The following IKZF5 variants were observed in gnomAD, a reference collection of about 807,000 sequenced individuals.
IKZF5 encodes the protein zinc finger protein Pegasus.
A neutral mutation model predicts 30.7 loss-of-function variants in IKZF5; 4 were observed. The observed-to-expected ratio is 0.13, with a 90% CI of 0.06 to 0.30. The LOEUF (loss-of-function observed/expected upper bound fraction) is 0.30, where lower values mean the gene tolerates loss of function less well. Among genes scored for constraint, IKZF5 ranks in the 10% least tolerant of loss-of-function variants. The pLI is 1.00. For missense variants in IKZF5, 348 were observed against 525.5 expected, an observed-to-expected ratio of 0.66 and a Z score of 3.30; for synonymous variants, 148 against 179.6, an observed-to-expected ratio of 0.82 and a Z score of 1.41.
At position 123,007,041 on chromosome 10, in the gene IKZF5, C is replaced by T. The variant is rs1849816781; in HGVS notation, c.-62G>A. The T allele has an allele frequency of 6.6e-6, 1 of 152,202 alleles. No individual in the cohort carries two copies. Among genetic ancestry groups the T allele is most frequent in the Non-Finnish European group, 1.5e-5 (1 of 68,030 alleles). The allele number at this position is 152,202 out of a possible 1,614,324, so 9.4% of individuals were successfully genotyped here. A position where few individuals can be genotyped will look rare whatever the true frequency, so the allele number is the denominator to read the frequency against. On this transcript the variant is annotated 5_prime_UTR_variant, in exon 2 of 5. Transcript: ENST00000368886. Reference sequence around the variant, plus strand: ...ACAATCTAACCTTTTCACCCCAAATCTGTTCCTCCTTTTTCTTGCCACTCC... The same window carrying T: ...ACAATCTAACCTTTTCACCCCAAATTTGTTCCTCCTTTTTCTTGCCACTCC...
chr10:123,006,308 A>G (rs1019919512), intron 2 of IKZF5, among the ~76,000 whole-genome samples: 2 of 152,188 alleles, frequency 1.3e-5, no homozygotes, highest in Non-Finnish European at 2.9e-5. Context: ...TTTTGTATGA[A>G]GTCGTCTGAT....
intron 2 of IKZF5, among the ~76,000 whole-genome samples, chr10:123,004,794 T>C (rs1266171300): frequency 3.3e-5 from 5 of 152,306 alleles, no homozygotes; most frequent in South Asian, 2.1e-4. Context: ...TAAGCATTTT[T>C]GTGCCCACTT....
intron 2 of IKZF5, among the ~76,000 whole-genome samples, chr10:122,999,812 C>T (rs1849517899): frequency 6.6e-6 from 1 of 152,182 alleles, no homozygotes; most frequent in Admixed American, 6.5e-5. Context: ...GGCCCAAATT[C>T]ACAAATAAAA....
At chr10:123,000,402 A>C (rs1371359687) in intron 2 of IKZF5, among the ~76,000 whole-genome samples, 1 of 152,220 alleles carries the variant, frequency 6.6e-6, no homozygotes, top group Non-Finnish European at 1.5e-5. Flanking sequence ...ATGCAACTGA[A>C]GTTTGCTCAA....
intron 2 of IKZF5, among the ~76,000 whole-genome samples, chr10:122,999,803 GC>G (rs1849517616): frequency 6.6e-6 from 1 of 152,154 alleles, no homozygotes; most frequent in Non-Finnish European, 1.5e-5. Flanking sequence ...TAGGTTTATG[GC>G]CCAAATTCAC....
At chr10:122,999,218 G>A (rs1039591992) in intron 2 of IKZF5, among the ~76,000 whole-genome samples, 2 of 152,146 alleles carry the variant, frequency 1.3e-5, no homozygotes, top group Non-Finnish European at 2.9e-5. Context: ...TTTCTTATCT[G>A]TGCTATTCCT....
Position 122,992,371 on chromosome 10 carries a change from C to T in IKZF5, c.*1409G>A, listed in dbSNP as rs1589713096. ...ATGCTTACTATTCTCTTTAAGATGC[C>T]AATTAGGGGCACATTCAACATATGA... is the stretch of plus-strand genomic sequence containing the variant. On this transcript the variant is annotated 3_prime_UTR_variant, in exon 5 of 5. Coordinates refer to ENST00000368886, the MANE Select transcript of IKZF5 (RefSeq NM_001372123.1). 1 of 151,882 alleles carries T rather than the reference C, an allele frequency of 6.6e-6. No homozygotes were observed. The highest frequency in any genetic ancestry group is 2.4e-5 in the African/African-American group (1 of 41,334). 9.4% of individuals were successfully genotyped at this position (151,882 alleles called of 1,614,324 possible).
In IKZF5 at chr10:123,008,721, C is replaced by T. The variant is rs1376387218; in HGVS notation, c.-225G>A. 1 of 555,350 alleles carries T rather than the reference C, an allele frequency of 1.8e-6. No individual in the cohort carries two copies. The highest frequency in any genetic ancestry group is 1.9e-5 in the African/African-American group (1 of 53,024). 34.4% of individuals were successfully genotyped at this position (555,350 alleles called of 1,614,324 possible). The stretch of plus-strand genomic sequence containing the variant: ...CCTGACAACTGCATGGAGTAAACCA[C>T]ACCGCCTTGTTAAATGCCGTCGCCG... On this transcript the variant is annotated 5_prime_UTR_variant, in exon 1 of 5. The change creates a new upstream start codon in the 5' untranslated region. Transcript: ENST00000368886.
At chr10:123,006,831 G>T (rs1266495764) in intron 2 of IKZF5, among the ~76,000 whole-genome samples, 195 bp downstream of exon 2, 1 of 152,126 alleles carries the variant, frequency 6.6e-6, no homozygotes, top group Non-Finnish European at 1.5e-5. Context: ...TGACAAATAA[G>T]GATTGGTTTC....
intron 2 of IKZF5, among the ~76,000 whole-genome samples, chr10:123,000,086 A>C (rs966577738): frequency 6.6e-6 from 1 of 152,240 alleles, no homozygotes; most frequent in African/African-American, 2.4e-5. Context: ...AGTCTTGTAC[A>C]TATATAGAAA....
intron 3 of IKZF5, chr10:122,998,220 G>C: frequency 3.6e-6 from 1 of 275,764 alleles, no homozygotes; most frequent in East Asian, 6.4e-5. Flanking sequence ...TGGGTTCTTT[G>C]TGTCTAATGG....
At position 122,991,312 on chromosome 10, in the gene IKZF5, G is replaced by C. The variant is rs1238744677; in HGVS notation, c.*2468C>G. 2 of 152,102 alleles carry C rather than the reference G, an allele frequency of 1.3e-5. No individual in the cohort carries two copies. The highest frequency in any genetic ancestry group is 4.8e-5 in the African/African-American group (2 of 41,416). The allele number at this position is 152,102 out of a possible 1,614,324, so 9.4% of individuals were successfully genotyped here. A position where few individuals can be genotyped will look rare whatever the true frequency, so the allele number is the denominator to read the frequency against. On this transcript the variant is annotated 3_prime_UTR_variant, in exon 5 of 5. Transcript: ENST00000368886. ...AAAATCTGAAATAAAATTATTCCCA[G>C]TTAATCTCTTCACAGTTTCTTAAAA...
rs2133372861 is a variant in IKZF5, at chr10:122,992,874, AGAAG to A, written c.*902_*905del. On this transcript the variant is annotated 3_prime_UTR_variant, in exon 5 of 5. Transcript: ENST00000368886. ...TGGAAATTATGGGCAGAAAATGGAT[AGAAG>A]GAAGGAAAAGGAATCTTGAGAAATT... 6.5e-6 allele frequency: 1 copy of A among 152,744 alleles called. No individual in the cohort carries two copies. Among genetic ancestry groups the A allele is most frequent in the East Asian group, 1.9e-4 (1 of 5,180 alleles). The allele number at this position is 152,744 out of a possible 1,614,324, so 9.5% of individuals were successfully genotyped here. A position where few individuals can be genotyped will look rare whatever the true frequency, so the allele number is the denominator to read the frequency against.
At position 122,991,689 on chromosome 10, in the gene IKZF5, C is replaced by CA. The variant is rs1215174468; in HGVS notation, c.*2090dup. The CA allele has an allele frequency of 6.6e-6, 1 of 152,180 alleles. No homozygotes were observed. The highest frequency in any genetic ancestry group is 1.5e-5 in the Non-Finnish European group (1 of 68,006). The allele number at this position is 152,180 out of a possible 1,614,324, so 9.4% of individuals were successfully genotyped here. A position where few individuals can be genotyped will look rare whatever the true frequency, so the allele number is the denominator to read the frequency against. ...TAGAATAACTGTAGCTTCTTAGCATCAAAACCTTTGGGATATCAACTGTGC... is the reference window on the plus strand; with the variant it reads ...TAGAATAACTGTAGCTTCTTAGCATCAAAAACCTTTGGGATATCAACTGTGC... On this transcript the variant is annotated 3_prime_UTR_variant, in exon 5 of 5. Coordinates refer to ENST00000368886, the MANE Select transcript of IKZF5 (RefSeq NM_001372123.1).
intron 2 of IKZF5, among the ~76,000 whole-genome samples, chr10:123,004,240 T>A (rs1849702951): frequency 6.6e-6 from 1 of 152,146 alleles, no homozygotes; most frequent in African/African-American, 2.4e-5. Flanking sequence ...AAGAAAGAAA[T>A]CCCAGTATTT....
At chr10:123,004,611 C>T (rs956276291) in intron 2 of IKZF5, among the ~76,000 whole-genome samples, 2 of 135,920 alleles carry the variant, frequency 1.5e-5, no homozygotes, top group African/African-American at 5.4e-5. Context: ...GCTTTTCAAC[C>T]ACAATGCATG....
chr10:123,004,655 AAT>A (rs1254255143), intron 2 of IKZF5, among the ~76,000 whole-genome samples: 1 of 152,152 alleles, frequency 6.6e-6, no homozygotes, highest in Non-Finnish European at 1.5e-5. Flanking sequence ...ATGTCTATGA[AAT>A]AGAGAACACT....
chr10:123,008,138 G>A (rs932315886), intron 1 of IKZF5, among the ~76,000 whole-genome samples: 11 of 152,118 alleles, frequency 7.2e-5, no homozygotes. Flanking sequence ...AATCTCACAT[G>A]TTCCTAAAAT....
intron 2 of IKZF5, among the ~76,000 whole-genome samples, chr10:122,999,177 A>G (rs9423245): frequency 0.58 from 88,834 of 152,064 alleles, 27,206 homozygotes; most frequent in Non-Finnish European, 0.69. Context: ...CTGGTTGACA[A>G]AAGGAGACTA....
Sources: gnomAD v4.1 joint callset for allele counts (sites outside exome capture counted in the v4.1 genomes callset) on GRCh38, gnomAD v4.1.1 for gene constraint, MANE v1.5 for transcripts, NCBI Gene and HGNC (gene_info 2026-07-23, HGNC 2026-07-21) for gene names.